DAOA: variants seen among roughly 807,000 people sequenced by gnomAD.
DAOA encodes the protein D-amino acid oxidase regulator.
In DAOA, 15 loss-of-function variants were observed where a neutral mutation model predicts 16.4. The ratio of observed to expected loss-of-function variants is 0.91; its 90% CI spans 0.61 to 1.41. The LOEUF is 1.41. Ranked by LOEUF, DAOA falls within the 40% of genes most tolerant of loss-of-function variation. DAOA has a pLI of 0.00. For missense variants in DAOA, 230 were observed against 176.8 expected (o/e 1.30, Z -1.71); for synonymous variants, 75 against 59.1 (o/e 1.27, Z -1.23).
At chr13:105,487,072 AGAG>A (rs560463549) in intron 4 of DAOA, among the ~76,000 whole-genome samples, 1 of 152,202 alleles carries the variant, frequency 6.6e-6, no homozygotes, top group Non-Finnish European at 1.5e-5. Context: ...AATTAGGGTA[AGAG>A]GAGAATGGAG....
chr13:105,481,276 C>A (rs951124958), intron 4 of DAOA, among the ~76,000 whole-genome samples: 2 of 152,084 alleles, frequency 1.3e-5, no homozygotes, highest in African/African-American at 4.8e-5. Flanking sequence ...TTATTACTCC[C>A]AAGAAGTCTA....
chr13:105,472,544 A>C lies in DAOA; in HGVS notation c.140A>C (p.Glu47Ala). Reference protein sequence around the residue: ...SENSLNSIAKETEEGRETVTR... With the variant: ...SENSLNSIAKATEEGRETVTR... Reference sequence around the variant, plus strand: ...CACTTAAATACTGTTGCAGCAAAGGAGACAGAAGAAGGAAGAGAGACGGTA... The same window carrying C: ...CACTTAAATACTGTTGCAGCAAAGGCGACAGAAGAAGGAAGAGAGACGGTA... Residue 47 changes from glutamate to alanine, a missense_variant, in exon 4 of 6, where the codon GAG becomes GCG. Transcript: ENST00000375936. 1 of 1,613,726 alleles carries C rather than the reference A, an allele frequency of 6.2e-7. No individual in the cohort carries two copies. The highest frequency in any genetic ancestry group is 1.3e-5 in the African/African-American group (1 of 75,028).
chr13:105,478,776 G>A (rs536664435), intron 4 of DAOA, among the ~76,000 whole-genome samples: 1 of 152,246 alleles, frequency 6.6e-6, no homozygotes, highest in African/African-American at 2.4e-5. Context: ...TAAATTCCAA[G>A]AGTCTATGTT....
intron 4 of DAOA, among the ~76,000 whole-genome samples, 199 bp downstream of exon 4, chr13:105,472,884 A>C (rs118158243): frequency 0.04 from 6,158 of 152,142 alleles, 151 homozygotes; most frequent in South Asian, 0.063. Flanking sequence ...GCTTCTTCAC[A>C]TTTTTTCATG....
chr13:105,467,802 C>T (rs1275771081), intron 3 of DAOA: 2 of 145,236 alleles, frequency 1.4e-5, no homozygotes, highest in Non-Finnish European at 3.0e-5. Context: ...TAGCAGATAA[C>T]TTAAAATCTG....
chr13:105,479,861 A>G (rs1428153208), intron 4 of DAOA, among the ~76,000 whole-genome samples: 1 of 152,208 alleles, frequency 6.6e-6, no homozygotes, highest in African/African-American at 2.4e-5. Context: ...GGAATTTAGA[A>G]GAAGGGGCAT....
chr13:105,479,269 A>C (rs1259415751), intron 4 of DAOA, among the ~76,000 whole-genome samples: 1 of 152,176 alleles, frequency 6.6e-6, no homozygotes, highest in African/African-American at 2.4e-5. Context: ...AAAGAGCAAC[A>C]AACATTACAG....
chr13:105,471,766 T>C (rs1050162648), intron 3 of DAOA, among the ~76,000 whole-genome samples: 19 of 152,332 alleles, frequency 1.2e-4, no homozygotes, highest in Non-Finnish European at 2.1e-4. Context: ...GGACACTCCT[T>C]TGCATTTTTC....
chr13:105,474,626 T>A (rs190808658), intron 4 of DAOA, among the ~76,000 whole-genome samples: 1 of 152,184 alleles, frequency 6.6e-6, no homozygotes. Context: ...CAAATGTGCA[T>A]CTAAAACAAA....
chr13:105,485,729 C>A (rs1481081029), intron 4 of DAOA, among the ~76,000 whole-genome samples: 7 of 151,966 alleles, frequency 4.6e-5, no homozygotes, highest in Non-Finnish European at 1.0e-4. Flanking sequence ...CAGACATACA[C>A]GGAGAAGAGA....
At chr13:105,484,858 G>A (rs945606424) in intron 4 of DAOA, among the ~76,000 whole-genome samples, 1 of 152,202 alleles carries the variant, frequency 6.6e-6, no homozygotes, top group Middle Eastern at 3.4e-3. Context: ...AATATTGAAA[G>A]CAGACAATAT....
rs769762539 is a variant in DAOA, at chr13:105,472,663, T to C, written c.259T>C (p.Tyr87His). The change falls in exon 4 of 6, where the codon TAC becomes CAC. Residue 87 changes from tyrosine (Y) to histidine (H), a missense_variant. Transcript: ENST00000375936. The stretch of plus-strand genomic sequence containing the variant: ...GAGATCATTATGTCCTTGGGTCTCT[T>C]ACCTTCCTCAGCCCTATGCAGAGTA... ...LQRSLCPWVS[Y>H]LPQPYAELEE... 19 of 1,613,826 alleles carry C rather than the reference T, an allele frequency of 1.2e-5. No homozygotes were observed. In the African/African-American group the frequency reaches 1.3e-4, roughly 11 times the overall value.
chr13:105,469,104 C>T (rs1876747042), intron 3 of DAOA, among the ~76,000 whole-genome samples: 1 of 152,128 alleles, frequency 6.6e-6, no homozygotes, highest in Non-Finnish European at 1.5e-5. Flanking sequence ...TCTACATTTT[C>T]TACAGGTAGG....
At chr13:105,482,682 A>G (rs1005580010) in intron 4 of DAOA, among the ~76,000 whole-genome samples, 1 of 151,652 alleles carries the variant, frequency 6.6e-6, no homozygotes, top group African/African-American at 2.4e-5. Flanking sequence ...TACTTTTTGT[A>G]TTTTTAGTAG....
intron 3 of DAOA, among the ~76,000 whole-genome samples, chr13:105,467,881 T>TGAAAAAAACAAGC (rs1876646276): frequency 6.6e-6 from 1 of 152,114 alleles, no homozygotes; most frequent in Non-Finnish European, 1.5e-5. Flanking sequence ...AATTTAGTGG[T>TGAAAAAAACAAGC]GAAAAAAACA....
intron 3 of DAOA, 114 bp downstream of exon 3, chr13:105,467,255 A>T: frequency 1.7e-6 from 2 of 1,181,998 alleles, no homozygotes; most frequent in South Asian, 3.4e-5. Context: ...AACTTCAATT[A>T]ATTTGTAAGA....
At chr13:105,469,314 T>C (rs553967250) in intron 3 of DAOA, among the ~76,000 whole-genome samples, 2 of 152,322 alleles carry the variant, frequency 1.3e-5, no homozygotes, top group South Asian at 4.1e-4. Context: ...ACTTGCAAAT[T>C]TTTCCTGTAT....
chr13:105,466,869 A>G (rs1876557059), intron 2 of DAOA, 184 bp from the exon 3 acceptor site: 1 of 793,668 alleles, frequency 1.3e-6, no homozygotes, highest in Admixed American at 4.3e-5. Flanking sequence ...AAAAAAATGC[A>G]AACCTCAATA....
intron 4 of DAOA, among the ~76,000 whole-genome samples, chr13:105,486,132 T>G (rs1878089234): frequency 1.3e-5 from 2 of 152,184 alleles, no homozygotes; most frequent in Non-Finnish European, 2.9e-5. Flanking sequence ...TTGCCCTTCT[T>G]CAAACTTTTA....
Sources: gnomAD v4.1 joint callset for allele counts (sites outside exome capture counted in the v4.1 genomes callset) on GRCh38, gnomAD v4.1.1 for gene constraint, MANE v1.5 for transcripts, NCBI Gene and HGNC (gene_info 2026-07-23, HGNC 2026-07-21) for gene names.